Variants in PALD1 observed in about 807,000 individuals in gnomAD.
PALD1 encodes the protein phosphatase domain containing paladin 1.
In PALD1, 57 loss-of-function variants were observed where a neutral mutation model predicts 96.0. The ratio of observed to expected loss-of-function variants is 0.59; its 90% CI spans 0.48 to 0.74. The LOEUF is 0.74. Among genes scored for constraint, PALD1 ranks in the 30% least tolerant of loss-of-function variants. PALD1 has a pLI of 0.00. For missense variants in PALD1, 1,063 were observed against 1,143.7 expected, an observed-to-expected ratio of 0.93 and a Z score of 1.02; for synonymous variants, 464 against 473.6, an observed-to-expected ratio of 0.98 and a Z score of 0.26.
At chr10:70,499,480 G>A (rs1032139511) in intron 1 of PALD1, among the ~76,000 whole-genome samples, 14 of 152,212 alleles carry the variant, frequency 9.2e-5, no homozygotes, top group African/African-American at 2.9e-4. Context: ...TGGCAGGGGC[G>A]GCTTGGCCTG....
At chr10:70,537,397 C>A (rs1042530116) in intron 10 of PALD1, among the ~76,000 whole-genome samples, 1 of 152,246 alleles carries the variant, frequency 6.6e-6, no homozygotes, top group Non-Finnish European at 1.5e-5. Flanking sequence ...AGCCACCGCA[C>A]CCAGCCAGGT....
intron 1 of PALD1, among the ~76,000 whole-genome samples, chr10:70,488,104 AAAAATAGTTT>A (rs1157993126): frequency 2.0e-5 from 3 of 147,996 alleles, no homozygotes; most frequent in Non-Finnish European, 3.0e-5. Context: ...GGGATATGTT[AAAAATAGTTT>A]AAAATTTCTC....
the PALD1 span, among the ~76,000 whole-genome samples, chr10:70,465,217 G>T: frequency 6.6e-6 from 1 of 150,848 alleles, no homozygotes; most frequent in African/African-American, 2.4e-5. Context: ...CTCGTGATCC[G>T]CCCGCCTCTG....
At chr10:70,563,923 A>G (rs1346961486) in intron 18 of PALD1, among the ~76,000 whole-genome samples, 1 of 152,136 alleles carries the variant, frequency 6.6e-6, no homozygotes, top group Non-Finnish European at 1.5e-5. Flanking sequence ...GGCAGCAGAG[A>G]GAGGAGTGAA....
intron 18 of PALD1, among the ~76,000 whole-genome samples, chr10:70,561,622 C>G (rs963936055): frequency 1.2e-4 from 18 of 152,148 alleles, no homozygotes; most frequent in Admixed American, 1.3e-4. Context: ...AGCCATGGGC[C>G]ATTCCCGCCC....
chr10:70,539,781 C>G lies in PALD1; in HGVS notation c.1908+19C>G. 6.3e-7 allele frequency: 1 copy of G among 1,597,112 alleles called. No individual in the cohort carries two copies. On this transcript the variant is annotated intron_variant, in intron 15 of 19. Coordinates refer to ENST00000263563, the MANE Select transcript of PALD1 (RefSeq NM_014431.3). The surrounding 1 kb of genome is among the most constrained non-coding windows in gnomAD (Gnocchi z 4.5). ...AGAGGAGGTGAGGGTGCTGCTCAGG[C>G]TGAGGCCTCTGGGGAGGGACAGGAG...
chr10:70,468,702 C>CTCTGTGTG, the PALD1 span, among the ~76,000 whole-genome samples: 2 of 123,886 alleles, frequency 1.6e-5, no homozygotes, highest in South Asian at 6.0e-4. Flanking sequence ...TGAGGCAGGA[C>CTCTGTGTG]TGTGTGTGTG....
chr10:70,470,034 T>C, the PALD1 span, among the ~76,000 whole-genome samples: 2 of 152,222 alleles, frequency 1.3e-5, no homozygotes, highest in African/African-American at 2.4e-5. Context: ...CCTCAGGTGA[T>C]CTGCCCGCCT....
At chr10:70,560,104 T>G (rs16927685) in intron 18 of PALD1, among the ~76,000 whole-genome samples, 22,481 of 152,200 alleles carry the variant, frequency 0.15, 1,795 homozygotes, top group Middle Eastern at 0.23. Flanking sequence ...AAGATGGAAT[T>G]TAGTGCAATG....
intron 1 of PALD1, chr10:70,485,905 C>T (rs1318377252): frequency 5.0e-5 from 8 of 159,876 alleles, no homozygotes; most frequent in Admixed American, 6.5e-5. Flanking sequence ...AGAGCTTTGC[C>T]GTGTTCTTCA....
chr10:70,536,628 G>C (rs979137434), intron 10 of PALD1, among the ~76,000 whole-genome samples: 1 of 152,190 alleles, frequency 6.6e-6, no homozygotes, highest in African/African-American at 2.4e-5. Context: ...CTACTCTGCT[G>C]GCCCACGACT....
intron 1 of PALD1, among the ~76,000 whole-genome samples, chr10:70,523,191 C>T (rs1200457103): frequency 6.6e-6 from 1 of 152,224 alleles, no homozygotes; most frequent in Admixed American, 6.5e-5. Context: ...CCTGTCATTG[C>T]CTCTGGAGCC....
chr10:70,522,004 G>A (rs992361085), intron 1 of PALD1, among the ~76,000 whole-genome samples: 2 of 152,124 alleles, frequency 1.3e-5, no homozygotes, highest in African/African-American at 4.8e-5. Flanking sequence ...TAAACAAATG[G>A]TAATATTTGT....
In PALD1 at chr10:70,539,033, C is replaced by G. The variant is rs374279658; in HGVS notation, c.1569+25C>G. 2.5e-6 allele frequency: 4 copies of G among 1,613,132 alleles called. No individual in the cohort carries two copies. Among genetic ancestry groups the G allele is most frequent in the African/African-American group, 2.7e-5 (2 of 74,932 alleles). ...GGTGACCGGCCCTCAGGGCCTGGGT[C>G]CCCCAGTGGGTTTGGGGAGGGAGGG... is the stretch of plus-strand genomic sequence containing the variant. On this transcript the variant is annotated intron_variant, in intron 13 of 19. Transcript: ENST00000263563. This position sits in a 1 kb window ranked among gnomAD's most constrained non-coding sequence, Gnocchi z 4.5.
At chr10:70,525,034 C>G (rs550043690) in intron 1 of PALD1, among the ~76,000 whole-genome samples, 1 of 152,278 alleles carries the variant, frequency 6.6e-6, no homozygotes, top group East Asian at 1.9e-4. Flanking sequence ...TAGAGTCTCA[C>G]TCTGTCACCT....
At chr10:70,508,854 T>TGTGTGTGTGTGTGTGTGTGCGTGC in intron 1 of PALD1, among the ~76,000 whole-genome samples, 1 of 122,452 alleles carries the variant, frequency 8.2e-6, no homozygotes, top group Non-Finnish European at 1.8e-5. Context: ...TGTGTGTGTG[T>TGTGTGTGTGTGTGTGTGTGCGTGC]GTGCAGGCCT....
Position 70,539,879 on chromosome 10 carries a change from A to C in PALD1, c.1908+117A>C, listed in dbSNP as rs1257159175. ...CCCAGCTTCTCTACGGGGCCCGGGA[A>C]TGGTCTCACGAGGTTTTCCGATTTG... On this transcript the variant is annotated intron_variant, in intron 15 of 19. Coordinates refer to ENST00000263563, the MANE Select transcript of PALD1 (RefSeq NM_014431.3). The surrounding 1 kb of genome is among the most constrained non-coding windows in gnomAD (Gnocchi z 4.5). The C allele has an allele frequency of 2.3e-6, 2 of 874,704 alleles. No individual in the cohort carries two copies. Among genetic ancestry groups the C allele is most frequent in the African/African-American group, 3.4e-5 (2 of 58,280 alleles). 54.2% of individuals were successfully genotyped at this position (874,704 alleles called of 1,614,324 possible). A position where few individuals can be genotyped will look rare whatever the true frequency, so the allele number is the denominator to read the frequency against.
At chr10:70,468,702 C>CTGTGTGTGTGTGTGTGTGTG in the PALD1 span, among the ~76,000 whole-genome samples, 1 of 123,806 alleles carries the variant, frequency 8.1e-6, no homozygotes, top group Non-Finnish European at 1.7e-5. Flanking sequence ...TGAGGCAGGA[C>CTGTGTGTGTGTGTGTGTGTG]TGTGTGTGTG....
chr10:70,534,624 C>T (rs916451057), intron 9 of PALD1, 100 bp downstream of exon 9: 35 of 1,146,676 alleles, frequency 3.1e-5, no homozygotes, highest in Non-Finnish European at 4.2e-5. Flanking sequence ...CCCTCCCCTA[C>T]CTCTCTGCCA....
Sources: gnomAD v4.1 joint callset for allele counts (sites outside exome capture counted in the v4.1 genomes callset) on GRCh38, gnomAD v4.1.1 for gene constraint, Gnocchi (gnomAD v3.1) non-coding constraint, MANE v1.5 for transcripts, NCBI Gene and HGNC (gene_info 2026-07-23, HGNC 2026-07-21) for gene names.